PTPN3: variants seen among roughly 807,000 people sequenced by gnomAD.
The protein encoded by PTPN3 is tyrosine-protein phosphatase non-receptor type 3.
PTPN3 carries 96 observed loss-of-function variants against 132.7 expected under a neutral mutation model. The ratio of observed to expected loss-of-function variants is 0.72; its 90% CI spans 0.61 to 0.86. PTPN3 has a LOEUF of 0.86. Among genes scored for constraint, PTPN3 ranks in the 40% least tolerant of loss-of-function variants. The pLI is 0.00. For synonymous variants in PTPN3, 398 were observed against 429.0 expected, an observed-to-expected ratio of 0.93 and a Z score of 0.89; for missense variants, 1,125 against 1,159.6, an observed-to-expected ratio of 0.97 and a Z score of 0.43.
chr9:109,448,910 A>T lies in PTPN3; in HGVS notation c.369-55T>A, dbSNP rs190431884. 1.8e-4 allele frequency: 287 copies of T among 1,566,652 alleles called. 8 individuals are homozygous for T. The highest frequency in any genetic ancestry group is 1.5e-4 in the Non-Finnish European group (176 of 1,166,432). On this transcript the variant is annotated intron_variant, in intron 5 of 25. Coordinates refer to ENST00000374541, the MANE Select transcript of PTPN3 (RefSeq NM_002829.4). Reference sequence around the variant, plus strand: ...ACTCAAACTGAAATAAGCAAAAAAAAAAAAAAAAGAAAGTTTGATGAGTCA... The same window carrying T: ...ACTCAAACTGAAATAAGCAAAAAAATAAAAAAAAGAAAGTTTGATGAGTCA...
chr9:109,464,499 C>T (rs1339964632), intron 1 of PTPN3, among the ~76,000 whole-genome samples: 1 of 152,132 alleles, frequency 6.6e-6, no homozygotes, highest in Non-Finnish European at 1.5e-5. Context: ...ACCAAATCTC[C>T]AAGACACTCA....
At chr9:109,417,802 A>G (rs1284717835) in intron 14 of PTPN3, 1 of 984,378 alleles carries the variant, frequency 1.0e-6, no homozygotes, top group Admixed American at 6.1e-5. Context: ...CCCACAAGGA[A>G]GCCTGCCTTT....
At chr9:109,487,809 T>C (rs1016924602) in intron 1 of PTPN3, among the ~76,000 whole-genome samples, 2 of 152,196 alleles carry the variant, frequency 1.3e-5, no homozygotes, top group Non-Finnish European at 2.9e-5. Flanking sequence ...GCCCATCTGA[T>C]AAACTTCCTT....
At chr9:109,506,586 C>T in the PTPN3 span, among the ~76,000 whole-genome samples, 2 of 122,118 alleles carry the variant, frequency 1.6e-5, no homozygotes, top group Non-Finnish European at 3.6e-5. Flanking sequence ...CTCTCTCTCT[C>T]TTTCTTTTCT....
intron 4 of PTPN3, among the ~76,000 whole-genome samples, chr9:109,454,878 C>G (rs909693072): frequency 6.6e-6 from 1 of 152,196 alleles, no homozygotes; most frequent in Non-Finnish European, 1.5e-5. Context: ...TTAAAAAATC[C>G]TTAAATCGGC....
In PTPN3 at chr9:109,379,458, A is replaced by T; in HGVS notation, c.*98T>A. The stretch of plus-strand genomic sequence containing the variant: ...GTTCAGAGGTGCCCATTCCTTTCCC[A>T]CAGCTACTGGTTCCTCTTGCTGCTT... On this transcript the variant is annotated 3_prime_UTR_variant, in exon 26 of 26. Transcript: ENST00000374541. 8.8e-7 allele frequency: 1 copy of T among 1,132,768 alleles called. No homozygotes were observed. Among genetic ancestry groups the T allele is most frequent in the Non-Finnish European group, 1.3e-6 (1 of 757,514 alleles). 70.2% of individuals were successfully genotyped at this position (1,132,768 alleles called of 1,614,324 possible).
chr9:109,480,857 T>A (rs1250050396), intron 1 of PTPN3, among the ~76,000 whole-genome samples: 1 of 152,116 alleles, frequency 6.6e-6, no homozygotes, highest in Non-Finnish European at 1.5e-5. Context: ...GCCCAGTGGC[T>A]GGTACCCAAC....
intron 1 of PTPN3, among the ~76,000 whole-genome samples, chr9:109,488,685 C>G (rs985833421): frequency 6.6e-6 from 1 of 152,170 alleles, no homozygotes; most frequent in African/African-American, 2.4e-5. Context: ...GTATTTTCTT[C>G]TAGGCAGAAA....
intron 13 of PTPN3, among the ~76,000 whole-genome samples, chr9:109,420,963 AT>A (rs1842859037): frequency 6.6e-6 from 1 of 152,208 alleles, no homozygotes; most frequent in Admixed American, 6.5e-5. Flanking sequence ...TATTCAGATA[AT>A]TTTTCTGATT....
intron 13 of PTPN3, among the ~76,000 whole-genome samples, chr9:109,421,219 C>A (rs1230306415): frequency 6.6e-6 from 1 of 152,182 alleles, no homozygotes; most frequent in African/African-American, 2.4e-5. Flanking sequence ...CTCTCTGGGC[C>A]TCGGCTGTAC....
In PTPN3 at chr9:109,376,683, A is replaced by T. The variant is rs949625742; in HGVS notation, c.*2873T>A. 2.0e-5 allele frequency: 3 copies of T among 152,210 alleles called. No homozygotes were observed. The highest frequency in any genetic ancestry group is 7.2e-5 in the African/African-American group (3 of 41,462). The allele number at this position is 152,210 out of a possible 1,614,324, so 9.4% of individuals were successfully genotyped here. ...ATATGCAGCCAAATTTCCCAGGCAA[A>T]ATACTTATCCTGATTCTGATGTAGT... is the stretch of plus-strand genomic sequence containing the variant. On this transcript the variant is annotated 3_prime_UTR_variant, in exon 26 of 26. Transcript: ENST00000374541.
At chr9:109,521,406 C>T in the PTPN3 span, among the ~76,000 whole-genome samples, 5 of 152,120 alleles carry the variant, frequency 3.3e-5, no homozygotes, top group Admixed American at 1.3e-4. Context: ...GTGATCCGCC[C>T]GCCTCAGCCT....
rs193299182 is a variant in PTPN3 at position 109,487,050 on chromosome 9, C to T, written c.-18+11169G>A. The stretch of plus-strand genomic sequence containing the variant: ...GTCTTGGGTATGTCTTTATTAGCAG[C>T]GTGAGAATGGACTAATATACCCAGA... On this transcript the variant is annotated intron_variant, in intron 1 of 25. Transcript: ENST00000374541. Among the ~76,000 whole-genome samples the T allele has an allele frequency of 1.6e-4, 25 of 152,204 alleles. No homozygotes were observed. The East Asian group carries it at 3.7e-3, about 22-fold the overall frequency.
chr9:109,472,860 C>T (rs755450036), intron 1 of PTPN3, among the ~76,000 whole-genome samples: 5 of 152,178 alleles, frequency 3.3e-5, no homozygotes, highest in Non-Finnish European at 7.3e-5. Context: ...CGTCCTTATT[C>T]AGGGAGGAAT....
At chr9:109,521,750 C>T in the PTPN3 span, among the ~76,000 whole-genome samples, 2 of 152,228 alleles carry the variant, frequency 1.3e-5, no homozygotes, top group African/African-American at 2.4e-5. Flanking sequence ...AAAGCAAAGA[C>T]GAGGTCTAGC....
rs760714392 is a variant in PTPN3 at position 109,420,529 on chromosome 9, A to G, written c.1208T>C (p.Met403Thr). Residue 403 changes from methionine (M) to threonine (T), a missense_variant, in exon 14 of 26, where the codon ATG (methionine) becomes ACG (threonine). Physicochemically the swap from Met to Thr is moderately conservative, Grantham distance 81. Transcript: ENST00000374541. ...HSSADNLANE[M>T]TYITETEDVF... Reference sequence around the variant, plus strand: ...ATCTTCCGTTTCCGTGATGTAGGTCATTTCATTTGCAAGGTTATCTGCAGA... The same window carrying G: ...ATCTTCCGTTTCCGTGATGTAGGTCGTTTCATTTGCAAGGTTATCTGCAGA... 6.2e-7 allele frequency: 1 copy of G among 1,613,376 alleles called. No individual in the cohort carries two copies.
intron 13 of PTPN3, among the ~76,000 whole-genome samples, chr9:109,422,215 A>G (rs1842929255): frequency 6.6e-6 from 1 of 152,074 alleles, no homozygotes; most frequent in South Asian, 2.1e-4. Context: ...ACGACCACCT[A>G]TTTCTTTTTA....
chr9:109,452,333 A>G (rs1048024587), intron 5 of PTPN3, among the ~76,000 whole-genome samples: 1 of 151,810 alleles, frequency 6.6e-6, no homozygotes, highest in Non-Finnish European at 1.5e-5. Context: ...GGTACTTACT[A>G]TAGTTTTATA....
chr9:109,430,673 A>C (rs965659205), intron 10 of PTPN3, among the ~76,000 whole-genome samples: 1 of 152,206 alleles, frequency 6.6e-6, no homozygotes, highest in South Asian at 2.1e-4. Context: ...GGAACCACAT[A>C]AAGAATGATG....
Sources: gnomAD v4.1 joint callset for allele counts (sites outside exome capture counted in the v4.1 genomes callset) on GRCh38, gnomAD v4.1.1 for gene constraint, MANE v1.5 for transcripts, NCBI Gene and HGNC (gene_info 2026-07-23, HGNC 2026-07-21) for gene names.